The following LARGE1 variants were observed in gnomAD, a reference collection of about 807,000 sequenced individuals.
The protein encoded by LARGE1 is xylosyl- and glucuronyltransferase LARGE1.
In LARGE1, 43 loss-of-function variants were observed where a neutral mutation model predicts 87.6. That is an observed-to-expected ratio of 0.49 (90% CI 0.38 to 0.63). LARGE1 has a LOEUF of 0.63. Among genes scored for constraint, LARGE1 ranks in the 30% least tolerant of loss-of-function variants. The pLI is 0.00. For missense variants in LARGE1, 802 were observed against 1,000.2 expected (o/e 0.80, Z 2.67); for synonymous variants, 434 against 394.6 (o/e 1.10, Z -1.18).
intron 5 of LARGE1, among the ~76,000 whole-genome samples, chr22:33,599,283 A>ATCATACTT (rs1362183046): frequency 1.2e-4 from 19 of 152,328 alleles, no homozygotes; most frequent in African/African-American, 4.3e-4. Context: ...GGTGGAGGTA[A>ATCATACTT]TCATACTTAT....
At chr22:33,127,874 T>A in the LARGE1 span, among the ~76,000 whole-genome samples, 1 of 152,208 alleles carries the variant, frequency 6.6e-6, no homozygotes. Flanking sequence ...ATTTCAGACA[T>A]CTATCTTGAA....
the LARGE1 span, among the ~76,000 whole-genome samples, chr22:33,150,066 G>A: frequency 3.3e-5 from 5 of 152,158 alleles, no homozygotes; most frequent in African/African-American, 4.8e-5. Flanking sequence ...TGGTCTTAAA[G>A]CTTAAAACTT....
intron 2 of LARGE1, among the ~76,000 whole-genome samples, chr22:33,746,660 A>G (rs756621101): frequency 7.2e-5 from 11 of 152,248 alleles, no homozygotes; most frequent in African/African-American, 1.2e-4. Flanking sequence ...GCAATTCAAC[A>G]TAATAAATGA....
intron 11 of LARGE1, among the ~76,000 whole-genome samples, chr22:33,239,535 C>CTTTTTT (rs71187254): frequency 0.02 from 1,872 of 95,300 alleles, 8 homozygotes; most frequent in Non-Finnish European, 0.03. Flanking sequence ...TTTTTCTTTT[C>CTTTTTT]TTTTTTTTTT....
chr22:33,641,158 C>T (rs542862687), intron 3 of LARGE1, among the ~76,000 whole-genome samples: 34 of 152,276 alleles, frequency 2.2e-4, no homozygotes, highest in South Asian at 4.1e-4. Context: ...CGGCTGGCAA[C>T]GGGCGGGTGC....
At chr22:33,594,886 C>A (rs1411799816) in intron 5 of LARGE1, among the ~76,000 whole-genome samples, 1 of 152,168 alleles carries the variant, frequency 6.6e-6, no homozygotes, top group African/African-American at 2.4e-5. Context: ...GTATTACAGG[C>A]TTGAGCCACC....
intron 9 of LARGE1, among the ~76,000 whole-genome samples, chr22:33,344,237 A>T (rs899893140): frequency 6.6e-6 from 1 of 152,158 alleles, no homozygotes; most frequent in African/African-American, 2.4e-5. Flanking sequence ...CACACTCAGA[A>T]ATGATTTTCT....
chr22:33,127,686 A>G, the LARGE1 span, among the ~76,000 whole-genome samples: 114 of 152,340 alleles, frequency 7.5e-4, no homozygotes, highest in African/African-American at 2.6e-3. Context: ...TAAGAGATCA[A>G]GGGACTGGGA....
intron 1 of LARGE1, among the ~76,000 whole-genome samples, chr22:33,788,536 G>T (rs1370478386): frequency 1.3e-5 from 2 of 152,206 alleles, no homozygotes; most frequent in Non-Finnish European, 2.9e-5. Context: ...GAAGATGTGG[G>T]AAGTTTTGAA....
At chr22:33,089,413 T>C in the LARGE1 span, among the ~76,000 whole-genome samples, 5 of 116,962 alleles carry the variant, frequency 4.3e-5, no homozygotes, top group Non-Finnish European at 6.7e-5. Context: ...CTTCTTCTTC[T>C]ACTTCTTCTT....
At chr22:33,828,390 T>G (rs1270474195) in intron 1 of LARGE1, among the ~76,000 whole-genome samples, 2 of 150,902 alleles carry the variant, frequency 1.3e-5, no homozygotes, top group African/African-American at 4.8e-5. Context: ...AGATGGTCAA[T>G]GGCATGAAGT....
intron 11 of LARGE1, among the ~76,000 whole-genome samples, chr22:33,171,850 C>T (rs931963595): frequency 2.0e-5 from 3 of 152,236 alleles, no homozygotes; most frequent in Non-Finnish European, 4.4e-5. Context: ...AGAGTCCCCA[C>T]TGGGGCACTG....
At chr22:33,302,539 A>T (rs2146134581) in intron 12 of LARGE1, among the ~76,000 whole-genome samples, 1 of 152,286 alleles carries the variant, frequency 6.6e-6, no homozygotes, top group South Asian at 2.1e-4. Flanking sequence ...CAGGGCACGG[A>T]GGGTATGCAG....
chr22:33,918,399 TA>T (rs1177189378), intron 1 of LARGE1, among the ~76,000 whole-genome samples: 1 of 152,190 alleles, frequency 6.6e-6, no homozygotes, highest in Non-Finnish European at 1.5e-5. Flanking sequence ...CACTAACCTC[TA>T]AATCTTGGTG....
intron 6 of LARGE1, among the ~76,000 whole-genome samples, chr22:33,435,155 C>A (rs1443208079): frequency 6.6e-6 from 1 of 152,308 alleles, no homozygotes; most frequent in Non-Finnish European, 1.5e-5. Flanking sequence ...ACACCTGCCA[C>A]CATGTCTGGC....
chr22:33,128,622 C>T, the LARGE1 span, among the ~76,000 whole-genome samples: 1 of 145,080 alleles, frequency 6.9e-6, no homozygotes, highest in South Asian at 2.2e-4. Context: ...TGCAGTGAGC[C>T]GAGATTATGC....
At chr22:33,586,486 T>C (rs1206601693) in intron 5 of LARGE1, among the ~76,000 whole-genome samples, 2 of 151,194 alleles carry the variant, frequency 1.3e-5, no homozygotes, top group African/African-American at 4.9e-5. Flanking sequence ...GACGGAGTCT[T>C]GCTCTGTCGC....
rs775539988 is a variant in LARGE1, at chr22:33,626,257, C to A, written c.478G>T (p.Val160Phe). Residue 160 changes from valine (V) to phenylalanine (F), a missense_variant, in exon 4 of 15, where the codon GTC (valine) becomes TTC (phenylalanine). Val to Phe is a conservative substitution (Grantham distance 50, BLOSUM62 -1). This residue lies in a region of LARGE1 where 625 missense variants were observed against 841.9 expected (regional missense o/e 0.74). Transcript: ENST00000397394. Reference sequence around the variant, plus strand: ...AGTTGTTCTTACCTATGGAACAGGACGGATTTGACCAGGGTGACGACATCC... The same window carrying A: ...AGTTGTTCTTACCTATGGAACAGGAAGGATTTGACCAGGGTGACGACATCC... ...SRDVVTLVKSVLFHRRNPLHF... is the reference protein window; with the variant it reads ...SRDVVTLVKSFLFHRRNPLHF... The A allele has an allele frequency of 6.2e-7, 1 of 1,613,830 alleles. No individual in the cohort carries two copies. The highest frequency in any genetic ancestry group is 8.5e-7 in the Non-Finnish European group (1 of 1,179,850).
intron 10 of LARGE1, among the ~76,000 whole-genome samples, chr22:33,334,044 A>G (rs993180230): frequency 6.6e-6 from 1 of 152,026 alleles, no homozygotes; most frequent in Admixed American, 6.6e-5. Context: ...AATTGCTTGA[A>G]TCTGGGAGGG....
Sources: allele counts gnomAD v4.1 joint callset (sites outside exome capture counted in the v4.1 genomes callset), GRCh38; gene constraint gnomAD v4.1.1; regional missense constraint gnomAD v4.1.1; transcripts MANE v1.5; gene names NCBI Gene and HGNC (gene_info 2026-07-23, HGNC 2026-07-21).